The following CADM2 variants were observed in gnomAD, a reference collection of about 807,000 sequenced individuals.
The protein encoded by CADM2 is immunoglobulin superfamily member 4D.
In CADM2, 12 loss-of-function variants were observed where a neutral mutation model predicts 49.8. The ratio of observed to expected loss-of-function variants is 0.24; its 90% CI spans 0.15 to 0.39. CADM2 has a LOEUF of 0.39. CADM2 is among the 10% of genes least tolerant of loss of function. The pLI, the probability that CADM2 is intolerant of heterozygous loss-of-function variation, is 1.00. For missense variants in CADM2, 378 were observed against 492.3 expected (o/e 0.77, Z 2.20); for synonymous variants, 214 against 175.4 (o/e 1.22, Z -1.74).
At chr3:85,423,151 C>A (rs766139479) in intron 1 of CADM2, among the ~76,000 whole-genome samples, 2 of 152,040 alleles carry the variant, frequency 1.3e-5, no homozygotes, top group African/African-American at 4.8e-5. Context: ...CTTCTCAGAC[C>A]TCCAGACAAA....
At chr3:85,866,354 A>C (rs1181188975) in intron 3 of CADM2, among the ~76,000 whole-genome samples, 1 of 152,114 alleles carries the variant, frequency 6.6e-6, no homozygotes, top group Non-Finnish European at 1.5e-5. Flanking sequence ...AATTTTTGAC[A>C]TTTAAAATCC....
At chr3:85,765,297 C>T in intron 2 of CADM2, among the ~76,000 whole-genome samples, 2 of 152,192 alleles carry the variant, frequency 1.3e-5, no homozygotes, top group Middle Eastern at 6.8e-3. Flanking sequence ...AAAATAGATT[C>T]TTAAAATATT....
At chr3:85,992,356 C>G (rs1728884564) in intron 8 of CADM2, 1 of 151,794 alleles carries the variant, frequency 6.6e-6, no homozygotes, top group Non-Finnish European at 1.5e-5. Context: ...TAATGACCTT[C>G]CTCTGAATAT....
In CADM2 at chr3:85,481,565, T is replaced by G. The variant is rs2039211392; in HGVS notation, c.62-244957T>G. Among the ~76,000 whole-genome samples, 5 of 151,738 alleles carry G rather than the reference T, an allele frequency of 3.3e-5. No individual in the cohort carries two copies. The South Asian group carries it at 1.0e-3, about 32-fold the overall frequency. The stretch of plus-strand genomic sequence containing the variant: ...AGGGCATTTTGATTTATTTCCAACA[T>G]GGTAAAGCTTTTGTGATTCCCAGCC... On this transcript the variant is annotated intron_variant, in intron 1 of 9. Transcript: ENST00000383699.
chr3:85,294,101 C>CA (rs1375096523), intron 1 of CADM2, among the ~76,000 whole-genome samples: 1 of 151,718 alleles, frequency 6.6e-6, no homozygotes, highest in African/African-American at 2.4e-5. Context: ...TCTCAGGATA[C>CA]AAAATCAATG....
intron 8 of CADM2, among the ~76,000 whole-genome samples, chr3:85,990,903 C>A (rs1488334809): frequency 1.3e-5 from 2 of 152,094 alleles, no homozygotes; most frequent in Non-Finnish European, 2.9e-5. Flanking sequence ...TATGCCAACC[C>A]CCCAAAATGC....
intron 1 of CADM2, among the ~76,000 whole-genome samples, chr3:85,674,949 A>T (rs1158222800): frequency 6.6e-6 from 1 of 152,144 alleles, no homozygotes; most frequent in African/African-American, 2.4e-5. Context: ...ATCTTGACTT[A>T]GCTAAGTCAT....
At chr3:85,105,724 G>C (rs1226895900) in intron 1 of CADM2, among the ~76,000 whole-genome samples, 1 of 152,170 alleles carries the variant, frequency 6.6e-6, no homozygotes. Flanking sequence ...ACTGGATTAA[G>C]AAAATATGGC....
Position 85,067,278 on chromosome 3 carries a change from A to G in CADM2, c.61+107610A>G, listed in dbSNP as rs1033991922. Among the ~76,000 whole-genome samples, 3 of 149,200 alleles carry G rather than the reference A, an allele frequency of 2.0e-5. No homozygotes were observed. In the Admixed American group the frequency reaches 2.2e-4, roughly 11 times the overall value. On this transcript the variant is annotated intron_variant, in intron 1 of 9. Coordinates refer to ENST00000383699, the MANE Select transcript of CADM2 (RefSeq NM_001167675.2). ...TTGGAAGTAATGCACATCTAATTAA[A>G]CTGTGTGTGTGTGTGTTTGTGTGTG...
At chr3:85,424,079 A>C (rs2036290656) in intron 1 of CADM2, among the ~76,000 whole-genome samples, 1 of 152,128 alleles carries the variant, frequency 6.6e-6, no homozygotes, top group Admixed American at 6.6e-5. Context: ...TTATAGTTGA[A>C]GGTGTAAAAT....
At chr3:85,801,238 A>C (rs1046275775) in intron 2 of CADM2, among the ~76,000 whole-genome samples, 8 of 147,472 alleles carry the variant, frequency 5.4e-5, no homozygotes, top group Non-Finnish European at 7.7e-5. Context: ...TACATGAATT[A>C]CTTTAACAAA....
intron 1 of CADM2, among the ~76,000 whole-genome samples, chr3:85,567,101 GTATCCTGCAGTTAATGAC>G (rs1351730996): frequency 6.6e-6 from 1 of 152,028 alleles, no homozygotes; most frequent in African/African-American, 2.4e-5. Context: ...TTTCTGTATT[GTATCCTGCAGTTAATGAC>G]TATTTCACAG....
intron 1 of CADM2, among the ~76,000 whole-genome samples, chr3:85,725,351 C>G (rs2067659139): frequency 1.3e-5 from 2 of 151,808 alleles, no homozygotes; most frequent in Non-Finnish European, 3.0e-5. Flanking sequence ...AGAATGAAGT[C>G]GAAATTAGAA....
At chr3:85,346,569 T>C (rs1159731575) in intron 1 of CADM2, among the ~76,000 whole-genome samples, 1 of 152,190 alleles carries the variant, frequency 6.6e-6, no homozygotes, top group East Asian at 1.9e-4. Flanking sequence ...AAAAATATTA[T>C]TAATGAGAAA....
chr3:85,913,658 C>T (rs995524807), intron 6 of CADM2, among the ~76,000 whole-genome samples: 1 of 152,028 alleles, frequency 6.6e-6, no homozygotes, highest in Non-Finnish European at 1.5e-5. Context: ...AAATAATCAC[C>T]TCCGCTATCA....
At chr3:85,668,519 T>C (rs1392623988) in intron 1 of CADM2, among the ~76,000 whole-genome samples, 1 of 152,052 alleles carries the variant, frequency 6.6e-6, no homozygotes, top group African/African-American at 2.4e-5. Context: ...TGGGAGATAA[T>C]TGAATCATGG....
At chr3:85,291,981 G>T (rs1342381624) in intron 1 of CADM2, among the ~76,000 whole-genome samples, 1 of 152,004 alleles carries the variant, frequency 6.6e-6, no homozygotes, top group Non-Finnish European at 1.5e-5. Context: ...CCAATTAAAA[G>T]ACATAGACTG....
intron 1 of CADM2, among the ~76,000 whole-genome samples, chr3:85,721,711 C>T (rs1490403822): frequency 1.3e-5 from 2 of 152,202 alleles, no homozygotes; most frequent in Admixed American, 1.3e-4. Context: ...CTAGGAACTG[C>T]AGGGCCCCAA....
intron 1 of CADM2, among the ~76,000 whole-genome samples, chr3:85,389,811 A>T (rs2034432389): frequency 6.6e-6 from 1 of 152,164 alleles, no homozygotes; most frequent in Non-Finnish European, 1.5e-5. Context: ...CCAGGTATGC[A>T]GCACTGACTA....
Sources: gnomAD v4.1 joint callset for allele counts (sites outside exome capture counted in the v4.1 genomes callset) on GRCh38, gnomAD v4.1.1 for gene constraint, MANE v1.5 for transcripts, NCBI Gene and HGNC (gene_info 2026-07-23, HGNC 2026-07-21) for gene names.